Variants in PACRG observed in about 807,000 individuals in gnomAD.
PACRG encodes the protein parkin coregulated, also known as parkin coregulated gene protein.
PACRG carries 29 observed loss-of-function variants against 29.7 expected under a neutral mutation model. The observed-to-expected ratio is 0.98, with a 90% CI of 0.73 to 1.33. The LOEUF (loss-of-function observed/expected upper bound fraction) is 1.33, where lower values mean the gene tolerates loss of function less well. Among genes scored for constraint, PACRG ranks in the 40% most tolerant of loss-of-function variants. PACRG has a pLI of 0.00. For synonymous variants in PACRG, 116 were observed against 118.7 expected (o/e 0.98, Z 0.15); for missense variants, 279 against 316.2 (o/e 0.88, Z 0.89).
At chr6:162,974,807 C>T (rs568672538) in intron 2 of PACRG, among the ~76,000 whole-genome samples, 2 of 152,260 alleles carry the variant, frequency 1.3e-5, no homozygotes, top group East Asian at 1.9e-4. Context: ...TAGAAAGATT[C>T]GTCACTTGCC....
chr6:163,106,513 T>G (rs1815389833), intron 4 of PACRG, among the ~76,000 whole-genome samples: 1 of 151,952 alleles, frequency 6.6e-6, no homozygotes, highest in Non-Finnish European at 1.5e-5. Context: ...GGATGAAAAG[T>G]AAATCCAAAT....
intron 1 of PACRG, among the ~76,000 whole-genome samples, chr6:162,764,702 A>G (rs1340232449): frequency 6.6e-6 from 1 of 152,008 alleles, no homozygotes; most frequent in Non-Finnish European, 1.5e-5. Flanking sequence ...TATATGTTTA[A>G]TATACAAGTA....
intron 4 of PACRG, among the ~76,000 whole-genome samples, chr6:163,265,663 AT>A (rs1334537908): frequency 1.3e-5 from 2 of 152,196 alleles, no homozygotes; most frequent in Non-Finnish European, 2.9e-5. Flanking sequence ...TAATATTTCC[AT>A]TCTAGAAATA....
intron 4 of PACRG, among the ~76,000 whole-genome samples, chr6:163,109,785 C>G (rs1048626004): frequency 3.3e-5 from 5 of 152,150 alleles, no homozygotes; most frequent in Non-Finnish European, 7.3e-5. Flanking sequence ...GAATTCTTCA[C>G]TTTGTTAAGA....
rs77229424 is a variant in PACRG, at chr6:163,074,590, C to T, written c.463+12269C>T. 5.9e-4 allele frequency among the ~76,000 whole-genome samples: 90 copies of T among 152,190 alleles called. No homozygotes were observed. In the East Asian group the frequency reaches 0.011, roughly 19 times the overall value. Reference sequence around the variant, plus strand: ...TTATTAGTAACATAAAGAATAAATGCTGGAAGTGATGAATACCTCATTTAC... The same window carrying T: ...TTATTAGTAACATAAAGAATAAATGTTGGAAGTGATGAATACCTCATTTAC... On this transcript the variant is annotated intron_variant, in intron 3 of 4. Transcript: ENST00000366888.
chr6:162,816,979 G>A (rs1221085070), intron 2 of PACRG, among the ~76,000 whole-genome samples: 1 of 152,158 alleles, frequency 6.6e-6, no homozygotes, highest in Non-Finnish European at 1.5e-5. Context: ...TTCCCTCCGA[G>A]GATACCGGCC....
chr6:162,784,817 T>C, intron 1 of PACRG, among the ~76,000 whole-genome samples: 1 of 152,184 alleles, frequency 6.6e-6, no homozygotes, highest in East Asian at 1.9e-4. Context: ...TAGTGTATGT[T>C]TGCTACTCTT....
chr6:162,820,273 A>G (rs1254638764), intron 2 of PACRG, among the ~76,000 whole-genome samples: 1 of 152,152 alleles, frequency 6.6e-6, no homozygotes, highest in Non-Finnish European at 1.5e-5. Context: ...AATTCCATTC[A>G]GTATTTCTTC....
chr6:162,830,301 T>G (rs545462611), intron 2 of PACRG, among the ~76,000 whole-genome samples: 1 of 152,274 alleles, frequency 6.6e-6, no homozygotes, highest in African/African-American at 2.4e-5. Context: ...AAGCCCTTAA[T>G]TTTGTCATGC....
At chr6:162,993,361 A>T (rs949702963) in intron 2 of PACRG, among the ~76,000 whole-genome samples, 2 of 75,522 alleles carry the variant, frequency 2.6e-5, no homozygotes, top group Non-Finnish European at 4.8e-5. Context: ...TCCCATTATT[A>T]ATGTGTGGGA....
At chr6:163,245,366 A>G (rs980807905) in intron 4 of PACRG, among the ~76,000 whole-genome samples, 1 of 152,234 alleles carries the variant, frequency 6.6e-6, no homozygotes, top group East Asian at 1.9e-4. Context: ...AAAGCCAAAT[A>G]TAATTTAGCA....
At chr6:163,146,873 C>T (rs1379966669) in intron 4 of PACRG, among the ~76,000 whole-genome samples, 1 of 152,198 alleles carries the variant, frequency 6.6e-6, no homozygotes. Context: ...TTCATTTTCA[C>T]AATATTCCTC....
chr6:163,185,053 GC>G (rs1779854066), intron 4 of PACRG: 1 of 152,146 alleles, frequency 6.6e-6, no homozygotes, highest in South Asian at 2.1e-4. Flanking sequence ...CAATTAATTA[GC>G]AGAAACCAAA....
At chr6:163,230,732 T>TGGTGTGTAATGCCGAACTGCTGTAGG (rs386409212) in intron 4 of PACRG, among the ~76,000 whole-genome samples, 1 of 133,352 alleles carries the variant, frequency 7.5e-6, no homozygotes, top group Non-Finnish European at 1.7e-5. Flanking sequence ...AATAAACAAA[T>TGGTGTGTAATGCCGAACTGCTGTAGG]GAAGAACGCA....
chr6:163,111,995 T>A (rs1815739887), intron 4 of PACRG: 1 of 894,876 alleles, frequency 1.1e-6, no homozygotes, highest in African/African-American at 1.8e-5. Context: ...TTTCTGATAA[T>A]CTAGGTTTTC....
rs757792066 is a variant in PACRG at position 162,831,635 on chromosome 6, T to C, written c.291+17354T>C. Among the ~76,000 whole-genome samples, 147 of 152,300 alleles carry C rather than the reference T, an allele frequency of 9.7e-4. 1 individual carries two copies. The highest frequency in any genetic ancestry group is 1.8e-3 in the Non-Finnish European group (124 of 68,028). ...CAGCCCAGCAAGCATTAGTTATTTA[T>C]CCTGATGCTCTCCCTCCCCATGCAC... On this transcript the variant is annotated intron_variant, in intron 2 of 4. Transcript: ENST00000366888.
chr6:163,299,229 C>T (rs146608223), intron 4 of PACRG, among the ~76,000 whole-genome samples: 1 of 152,288 alleles, frequency 6.6e-6, no homozygotes, highest in East Asian at 1.9e-4. Flanking sequence ...GGATTTATTG[C>T]CTTGTTCTTT....
chr6:163,206,125 A>C (rs1272339905), intron 4 of PACRG, among the ~76,000 whole-genome samples: 1 of 152,216 alleles, frequency 6.6e-6, no homozygotes, highest in Non-Finnish European at 1.5e-5. Flanking sequence ...AGTGTAAATT[A>C]GTTCAGCCAT....
chr6:162,791,677 G>A (rs763820789), intron 1 of PACRG, among the ~76,000 whole-genome samples: 1 of 152,064 alleles, frequency 6.6e-6, no homozygotes, highest in Non-Finnish European at 1.5e-5. Context: ...GGGCGCTTTT[G>A]CTTCATATCT....
Sources: gnomAD v4.1 joint callset for allele counts (sites outside exome capture counted in the v4.1 genomes callset) on GRCh38, gnomAD v4.1.1 for gene constraint, MANE v1.5 for transcripts, NCBI Gene and HGNC (gene_info 2026-07-23, HGNC 2026-07-21) for gene names.